The following KIAA1217 variants were observed in gnomAD, a reference collection of about 807,000 sequenced individuals.
The protein encoded by KIAA1217 is sickle tail protein homolog.
Under a neutral mutation model 163.9 loss-of-function variants are expected in KIAA1217, and 88 were observed. That is an observed-to-expected ratio of 0.54 (90% confidence interval 0.45 to 0.64). KIAA1217 has a LOEUF of 0.64. Ranked by LOEUF, KIAA1217 falls within the 30% of genes least tolerant of loss-of-function variation. The pLI is 0.00. For synonymous variants in KIAA1217, 903 were observed against 923.1 expected (o/e 0.98, Z 0.39); for missense variants, 2,372 against 2,475.0 (o/e 0.96, Z 0.88).
At chr10:24,299,802 T>C (rs2041090489) in intron 2 of KIAA1217, among the ~76,000 whole-genome samples, 2 of 152,194 alleles carry the variant, frequency 1.3e-5, no homozygotes, top group Admixed American at 1.3e-4. Context: ...GTGTGTCCTC[T>C]GTGGGTTCAG....
At chr10:24,393,288 C>T (rs2055232933) in intron 3 of KIAA1217, among the ~76,000 whole-genome samples, 1 of 152,112 alleles carries the variant, frequency 6.6e-6, no homozygotes, top group South Asian at 2.1e-4. Context: ...ATTATGTCTT[C>T]TTAGGCAGAG....
chr10:24,226,256 A>C (rs949658730), intron 2 of KIAA1217, among the ~76,000 whole-genome samples: 1 of 152,104 alleles, frequency 6.6e-6, no homozygotes, highest in Non-Finnish European at 1.5e-5. Context: ...ATTTTTCCAA[A>C]GTTTGTTGAC....
intron 2 of KIAA1217, among the ~76,000 whole-genome samples, chr10:24,272,005 A>G (rs2076816396): frequency 6.6e-6 from 1 of 152,146 alleles, no homozygotes; most frequent in Non-Finnish European, 1.5e-5. Flanking sequence ...ACCAAAGCCC[A>G]TGGGATGCTC....
rs530053294 is a variant in KIAA1217 at position 24,235,109 on chromosome 10, A to G, written c.354+15200A>G. On this transcript the variant is annotated intron_variant, in intron 2 of 20. Transcript: ENST00000376454. ...TTGGGGGACCTCAGTCTTTGCTTCTAAGGTCTTCAACTGATTAAATGAGGT... is the reference window on the plus strand; with the variant it reads ...TTGGGGGACCTCAGTCTTTGCTTCTGAGGTCTTCAACTGATTAAATGAGGT... Among the ~76,000 whole-genome samples, 16 of 152,318 alleles carry G rather than the reference A, an allele frequency of 1.1e-4. No individual in the cohort carries two copies. The South Asian group carries it at 2.9e-3, about 28-fold the overall frequency.
chr10:23,945,967 T>C (rs1053482536), intron 1 of KIAA1217, among the ~76,000 whole-genome samples: 3 of 152,174 alleles, frequency 2.0e-5, no homozygotes, highest in Non-Finnish European at 4.4e-5. Context: ...CCTGAGACTA[T>C]TTGACTGTAG....
chr10:23,731,164 C>T (rs978423813), intron 1 of KIAA1217, among the ~76,000 whole-genome samples: 4 of 152,120 alleles, frequency 2.6e-5, no homozygotes, highest in Non-Finnish European at 5.9e-5. Flanking sequence ...GAATCATAGC[C>T]TCTGGCCAGA....
chr10:23,938,086 G>T (rs76191102), intron 1 of KIAA1217, among the ~76,000 whole-genome samples: 80 of 152,264 alleles, frequency 5.3e-4, no homozygotes, highest in Non-Finnish European at 9.6e-4. Context: ...CCCATCTTCT[G>T]CTTAGTATAA....
At chr10:24,208,117 T>C (rs972917036), upstream of KIAA1217, among the ~76,000 whole-genome samples, 17 of 148,204 alleles carry the variant, frequency 1.1e-4, no homozygotes, top group Admixed American at 3.3e-4. Flanking sequence ...TATTTTCCCA[T>C]CCTCTTTTTT....
intron 1 of KIAA1217, among the ~76,000 whole-genome samples, chr10:23,888,904 A>T (rs1189667016): frequency 6.6e-6 from 1 of 151,844 alleles, no homozygotes; most frequent in African/African-American, 2.4e-5. Context: ...ACTAGTGATT[A>T]GTTTTCCCTC....
At chr10:24,133,760 T>A (rs2063739771) in intron 2 of KIAA1217, among the ~76,000 whole-genome samples, 1 of 152,138 alleles carries the variant, frequency 6.6e-6, no homozygotes, top group Non-Finnish European at 1.5e-5. Flanking sequence ...GGCTGTAAAA[T>A]GATGAAATGT....
chr10:24,449,530 A>G (rs1297508306), intron 5 of KIAA1217: 1 of 985,196 alleles, frequency 1.0e-6, no homozygotes, highest in African/African-American at 1.7e-5. Context: ...ATTAACTTTC[A>G]TAGAGTAGAA....
intron 1 of KIAA1217, among the ~76,000 whole-genome samples, chr10:23,748,542 G>GGGAGA (rs2130827411): frequency 7.8e-6 from 1 of 128,176 alleles, no homozygotes; most frequent in African/African-American, 3.0e-5. Context: ...GGGAGGGGAG[G>GGGAGA]AGAGGAGAGG....
At chr10:24,392,951 TA>T (rs990564089) in intron 3 of KIAA1217, among the ~76,000 whole-genome samples, 11 of 152,214 alleles carry the variant, frequency 7.2e-5, no homozygotes, top group African/African-American at 2.7e-4. Context: ...TTTTTTTAAT[TA>T]AAAGTTTCTG....
Position 23,997,780 on chromosome 10 carries a change from A to G in KIAA1217, c.-320-9445A>G, listed in dbSNP as rs112385873. Among the ~76,000 whole-genome samples, 132 of 152,246 alleles carry G rather than the reference A, an allele frequency of 8.7e-4. 1 individual carries two copies. Among genetic ancestry groups the G allele is most frequent in the African/African-American group, 3.0e-3 (126 of 41,548 alleles). ...ATCAGGGCCCTGTATATTCTTTCAG[A>G]GAACCTATCTCTGGGGCCCTGTTTC... On this transcript the variant is annotated intron_variant, in intron 1 of 18. Transcript: ENST00000376462.
chr10:24,201,880 T>C (rs2067274903), intron 2 of KIAA1217, among the ~76,000 whole-genome samples: 1 of 152,148 alleles, frequency 6.6e-6, no homozygotes, highest in Admixed American at 6.6e-5. Context: ...GTGAGCCCTT[T>C]GAGTCTCTGG....
chr10:23,772,853 G>A (rs879738228), intron 1 of KIAA1217, among the ~76,000 whole-genome samples: 1 of 152,062 alleles, frequency 6.6e-6, no homozygotes, highest in Admixed American at 6.6e-5. Context: ...ACACAAACAA[G>A]GATCGCTTCT....
At chr10:23,958,925 A>G (rs1452130065) in intron 1 of KIAA1217, among the ~76,000 whole-genome samples, 2 of 150,200 alleles carry the variant, frequency 1.3e-5, no homozygotes, top group African/African-American at 4.9e-5. Flanking sequence ...AGGTGCTAGT[A>G]GAAAACTACT....
intron 5 of KIAA1217, among the ~76,000 whole-genome samples, chr10:24,472,338 T>G (rs116939407): frequency 0.041 from 6,233 of 152,316 alleles, 168 homozygotes; most frequent in Non-Finnish European, 0.065. Context: ...AGCCTCTCCA[T>G]GCTGATTTCT....
chr10:24,389,525 A>T (rs1330767456), intron 3 of KIAA1217, among the ~76,000 whole-genome samples: 1 of 151,714 alleles, frequency 6.6e-6, no homozygotes, highest in Non-Finnish European at 1.5e-5. Flanking sequence ...CGTTGTGTAC[A>T]TGTACCCTAG....
Sources: gnomAD v4.1 joint callset for allele counts (sites outside exome capture counted in the v4.1 genomes callset) on GRCh38, gnomAD v4.1.1 for gene constraint, MANE v1.5 for transcripts, NCBI Gene and HGNC (gene_info 2026-07-23, HGNC 2026-07-21) for gene names.